CTNNA2: variants seen among roughly 807,000 people sequenced by gnomAD.
The protein encoded by CTNNA2 is catenin alpha 2.
CTNNA2 carries 42 observed loss-of-function variants against 101.0 expected under a neutral mutation model. The ratio of observed to expected loss-of-function variants is 0.42; its 90% confidence interval spans 0.32 to 0.54. The LOEUF (loss-of-function observed/expected upper bound fraction) is 0.54, where lower values mean the gene tolerates loss of function less well. CTNNA2 is among the 20% of genes least tolerant of loss of function. The pLI, the probability that CTNNA2 is intolerant of heterozygous loss-of-function variation, is 0.14. For synonymous variants in CTNNA2, 450 were observed against 456.4 expected (o/e 0.99, Z 0.18); for missense variants, 871 against 1,223.1 (o/e 0.71, Z 4.29).
Position 79,374,358 on chromosome 2 carries a change from A to G in CTNNA2, c.-135+345A>G, listed in dbSNP as rs971057437. On this transcript the variant is annotated intron_variant, in intron 4 of 21. Transcript: ENST00000466387. ...TTTAGCTGCTACAAAATAAGCACAA[A>G]TACAATAATGGGGCGACTTCATACT... Among the ~76,000 whole-genome samples, 3 of 152,298 alleles carry G rather than the reference A, an allele frequency of 2.0e-5. No individual in the cohort carries two copies. The South Asian group carries it at 6.2e-4, about 32-fold the overall frequency.
intron 2 of CTNNA2, among the ~76,000 whole-genome samples, chr2:79,231,597 G>A (rs1460560518): frequency 1.3e-5 from 2 of 152,214 alleles, no homozygotes; most frequent in African/African-American, 2.4e-5. Flanking sequence ...GGTTCTGGGA[G>A]TTGTTGGTAT....
chr2:80,140,117 T>G (rs1702918148), intron 7 of CTNNA2, among the ~76,000 whole-genome samples: 1 of 151,866 alleles, frequency 6.6e-6, no homozygotes, highest in African/African-American at 2.4e-5. Context: ...GAACAAGGAG[T>G]TGGTTCAGAC....
chr2:80,185,696 A>G (rs1374668888), intron 7 of CTNNA2, among the ~76,000 whole-genome samples: 1 of 152,176 alleles, frequency 6.6e-6, no homozygotes, highest in African/African-American at 2.4e-5. Context: ...AAAGAGCGGC[A>G]TGTTAAATGA....
At chr2:79,621,888 T>G (rs1057493573) in intron 1 of CTNNA2, among the ~76,000 whole-genome samples, 1 of 152,154 alleles carries the variant, frequency 6.6e-6, no homozygotes, top group African/African-American at 2.4e-5. Context: ...AGTATAACCA[T>G]GAGAAAACTC....
chr2:80,475,755 A>G (rs1182416908), intron 9 of CTNNA2, among the ~76,000 whole-genome samples: 3 of 152,222 alleles, frequency 2.0e-5, no homozygotes, highest in African/African-American at 7.2e-5. Flanking sequence ...TCAAACTGCC[A>G]GTCTGTGTAT....
chr2:79,445,047 A>G (rs920483454), intron 4 of CTNNA2, among the ~76,000 whole-genome samples: 3 of 152,144 alleles, frequency 2.0e-5, no homozygotes, highest in Non-Finnish European at 2.9e-5. Flanking sequence ...CACTTTGCCA[A>G]ATAAAGGGAT....
At position 80,008,627 on chromosome 2, in the gene CTNNA2, T is replaced by A. The variant is rs903024966; in HGVS notation, c.1056+98830T>A. Among the ~76,000 whole-genome samples, 14 of 152,244 alleles carry A rather than the reference T, an allele frequency of 9.2e-5. 1 individual carries two copies. Among genetic ancestry groups the A allele is most frequent in the African/African-American group, 3.4e-4 (14 of 41,544 alleles). On this transcript the variant is annotated intron_variant, in intron 7 of 18. Transcript: ENST00000402739. ...GACTCAGTTTCCCTCCATGTTTAGG[T>A]AGAGGGTCTACAGTCAGACTGCCTG...
At chr2:79,667,262 A>G (rs1027947637) in intron 2 of CTNNA2, among the ~76,000 whole-genome samples, 1 of 152,220 alleles carries the variant, frequency 6.6e-6, no homozygotes, top group Non-Finnish European at 1.5e-5. Context: ...TTGGGCCGTC[A>G]TGAAGGTTAA....
chr2:79,404,730 T>C (rs1678324160), intron 4 of CTNNA2, among the ~76,000 whole-genome samples: 1 of 152,048 alleles, frequency 6.6e-6, no homozygotes, highest in African/African-American at 2.4e-5. Flanking sequence ...GTTTGGAATC[T>C]GATAATCTAG....
intron 2 of CTNNA2, among the ~76,000 whole-genome samples, chr2:79,308,688 A>G (rs578190036): frequency 6.6e-6 from 1 of 151,712 alleles, no homozygotes; most frequent in South Asian, 2.1e-4. Context: ...GTATAGGGTG[A>G]GAGGTGGGAG....
intron 4 of CTNNA2, among the ~76,000 whole-genome samples, chr2:79,494,920 C>A (rs1671239714): frequency 6.6e-6 from 1 of 151,902 alleles, no homozygotes; most frequent in African/African-American, 2.4e-5. Context: ...ACCATCCTGG[C>A]TAACACGGTT....
intron 12 of CTNNA2, among the ~76,000 whole-genome samples, chr2:80,562,682 T>C (rs564814020): frequency 9.2e-5 from 14 of 152,118 alleles, no homozygotes; most frequent in Non-Finnish European, 1.6e-4. Flanking sequence ...ACAACACAAA[T>C]ATCTAGCTTT....
At chr2:80,145,450 T>G (rs1433468962) in intron 7 of CTNNA2, among the ~76,000 whole-genome samples, 1 of 151,974 alleles carries the variant, frequency 6.6e-6, no homozygotes, top group East Asian at 1.9e-4. Context: ...CTGTTGGGGG[T>G]TTTAAAAGCT....
intron 9 of CTNNA2, among the ~76,000 whole-genome samples, chr2:80,423,070 C>A (rs925130748): frequency 2.6e-5 from 4 of 151,704 alleles, no homozygotes; most frequent in African/African-American, 9.7e-5. Context: ...CCTCATTTAG[C>A]TAATTAGTAT....
At chr2:79,466,698 G>A (rs1670940750) in intron 4 of CTNNA2, among the ~76,000 whole-genome samples, 1 of 152,178 alleles carries the variant, frequency 6.6e-6, no homozygotes, top group Non-Finnish European at 1.5e-5. Context: ...GAAAAATCAG[G>A]CAGCAACATT....
chr2:80,556,844 C>T (rs533588694), intron 12 of CTNNA2, among the ~76,000 whole-genome samples: 12 of 152,270 alleles, frequency 7.9e-5, no homozygotes, highest in African/African-American at 1.4e-4. Context: ...AGGGCCTCTC[C>T]CCTCAAACCC....
At chr2:80,038,996 G>T (rs1248518603) in intron 7 of CTNNA2, among the ~76,000 whole-genome samples, 1 of 152,204 alleles carries the variant, frequency 6.6e-6, no homozygotes, top group Non-Finnish European at 1.5e-5. Flanking sequence ...AAGGCAGTCA[G>T]GTTCTAGGGC....
At chr2:79,548,013 C>T (rs1453479423) in intron 1 of CTNNA2, 1 of 152,002 alleles carries the variant, frequency 6.6e-6, no homozygotes, top group African/African-American at 2.4e-5. Context: ...TTATTTACAC[C>T]CTTAGGTATA....
intron 7 of CTNNA2, among the ~76,000 whole-genome samples, chr2:79,969,622 A>G (rs1427043849): frequency 1.3e-5 from 2 of 152,218 alleles, no homozygotes; most frequent in Non-Finnish European, 2.9e-5. Context: ...AGGAGACCAC[A>G]TAGAGACAGA....
Sources: allele counts gnomAD v4.1 joint callset (sites outside exome capture counted in the v4.1 genomes callset), GRCh38; gene constraint gnomAD v4.1.1; transcripts MANE v1.5; gene names NCBI Gene and HGNC (gene_info 2026-07-23, HGNC 2026-07-21).